The following CPNE8 variants were observed in gnomAD, a reference collection of about 807,000 sequenced individuals.
The protein encoded by CPNE8 is copine 8, also known as copine-8.
CPNE8 carries 45 observed loss-of-function variants against 81.5 expected under a neutral mutation model. That is an observed-to-expected ratio of 0.55 (90% CI 0.44 to 0.71). The LOEUF (loss-of-function observed/expected upper bound fraction) is 0.71. CPNE8 is among the 30% of genes least tolerant of loss of function. The probability of loss-of-function intolerance (pLI) is 0.00; values close to 1 mark genes in which losing one functional copy is unlikely to be tolerated. For missense variants in CPNE8, 594 were observed against 672.1 expected (o/e 0.88, Z 1.28); for synonymous variants, 252 against 226.3 (o/e 1.11, Z -1.02).
chr12:38,834,877 A>C (rs1943354920), intron 5 of CPNE8, among the ~76,000 whole-genome samples: 1 of 150,912 alleles, frequency 6.6e-6, no homozygotes, highest in South Asian at 2.1e-4. Context: ...CCAACATTCC[A>C]AACTTTTTTT....
At chr12:38,692,290 AAAAAAC>A (rs1337076452) in intron 15 of CPNE8, among the ~76,000 whole-genome samples, 2 of 152,158 alleles carry the variant, frequency 1.3e-5, no homozygotes, top group South Asian at 2.1e-4. Flanking sequence ...CTCTGTCTCA[AAAAAAC>A]AAAAACAAAA....
chr12:38,730,388 T>G (rs1940803997), intron 10 of CPNE8, 30 bp from the exon 11 acceptor site: 1 of 1,243,450 alleles, frequency 8.0e-7, no homozygotes. Context: ...GTACATAATA[T>G]TGGCTTTCAT....
intron 6 of CPNE8, among the ~76,000 whole-genome samples, chr12:38,813,524 A>G (rs1278873407): frequency 6.6e-6 from 1 of 152,152 alleles, no homozygotes. Flanking sequence ...TCAATTTGAG[A>G]TTTCTTTGGG....
intron 10 of CPNE8, among the ~76,000 whole-genome samples, chr12:38,731,417 T>A (rs1940828712): frequency 6.6e-6 from 1 of 151,898 alleles, no homozygotes; most frequent in African/African-American, 2.4e-5. Flanking sequence ...AAATACCAGT[T>A]TTTAAAGACA....
At chr12:38,733,458 T>A (rs1940883707) in intron 10 of CPNE8, among the ~76,000 whole-genome samples, 1 of 152,006 alleles carries the variant, frequency 6.6e-6, no homozygotes, top group East Asian at 1.9e-4. Context: ...ATTCTCACTA[T>A]ACAGAGAAAC....
chr12:38,832,161 G>A (rs776245564), intron 5 of CPNE8, among the ~76,000 whole-genome samples: 42 of 152,160 alleles, frequency 2.8e-4, no homozygotes, highest in Admixed American at 7.9e-4. Flanking sequence ...CTAGCTGATT[G>A]GCCAGAACTC....
intron 6 of CPNE8, among the ~76,000 whole-genome samples, chr12:38,811,391 T>C (rs564398121): frequency 9.6e-4 from 146 of 152,236 alleles, no homozygotes; most frequent in African/African-American, 1.5e-3. Context: ...AAAATTGACA[T>C]AGCAATAAAA....
chr12:38,776,276 T>C lies in CPNE8; in HGVS notation c.433A>G (p.Thr145Ala). 1 of 1,546,356 alleles carries C rather than the reference T, an allele frequency of 6.5e-7. No individual in the cohort carries two copies. The highest frequency in any genetic ancestry group is 1.3e-5 in the South Asian group (1 of 77,920). Residue 145 changes from threonine to alanine, a missense_variant, in exon 7 of 20, where the codon ACA (threonine) becomes GCA (alanine). Physicochemically the swap from Thr to Ala is moderately conservative, Grantham distance 58 (BLOSUM62 0). Transcript: ENST00000331366. Reference protein sequence around the residue: ...IVGIPGKKCGTIILTAEELNC... With the variant: ...IVGIPGKKCGAIILTAEELNC... Reference sequence around the variant, plus strand: ...AATTCCTCTGCTGTAAGTATGATTGTACCACATTTCTTCCCTGGAATTCCT... The same window carrying C: ...AATTCCTCTGCTGTAAGTATGATTGCACCACATTTCTTCCCTGGAATTCCT...
intron 10 of CPNE8, among the ~76,000 whole-genome samples, chr12:38,731,737 T>A (rs1940835318): frequency 6.6e-6 from 1 of 151,948 alleles, no homozygotes; most frequent in Non-Finnish European, 1.5e-5. Context: ...TAGAACTCAC[T>A]TTCAAGTTAC....
In CPNE8 at chr12:38,791,296, T is replaced by TTTC. The variant is rs141444985; in HGVS notation, c.408-14998_408-14996dup. Among the ~76,000 whole-genome samples, 36 of 151,624 alleles carry TTTC rather than the reference T, an allele frequency of 2.4e-4. No homozygotes were observed. The East Asian group carries it at 4.8e-3, about 20-fold the overall frequency. On this transcript the variant is annotated intron_variant, in intron 6 of 19. Coordinates refer to ENST00000331366, the MANE Select transcript of CPNE8 (RefSeq NM_153634.3). Reference sequence around the variant, plus strand: ...CAATGACCTTTTCTCATCTCAGGTATTTCTTCTTCTTCTTCTTCAAAATTA... The same window carrying TTTC: ...CAATGACCTTTTCTCATCTCAGGTATTTCTTCTTCTTCTTCTTCTTCAAAATTA...
At chr12:38,863,856 C>T (rs958987899) in intron 3 of CPNE8, among the ~76,000 whole-genome samples, 1 of 151,918 alleles carries the variant, frequency 6.6e-6, no homozygotes, top group African/African-American at 2.4e-5. Flanking sequence ...TCGAGACCAT[C>T]CTGGCTAACA....
intron 4 of CPNE8, among the ~76,000 whole-genome samples, chr12:38,847,008 T>C (rs1195205112): frequency 2.0e-5 from 3 of 151,930 alleles, no homozygotes; most frequent in Non-Finnish European, 4.4e-5. Context: ...TAAAGGAAAA[T>C]ATATTTATTG....
At chr12:38,890,354 C>G (rs60605001) in intron 1 of CPNE8, among the ~76,000 whole-genome samples, 8,080 of 152,124 alleles carry the variant, frequency 0.053, 690 homozygotes, top group African/African-American at 0.18. Flanking sequence ...TATAGCCAGA[C>G]AAGTGTAGGA....
Position 38,905,480 on chromosome 12 carries a change from C to T in CPNE8, c.55G>A (p.Ala19Thr). ...AGIGDLNQLS[A>T]AIPATRVEVS... is the part of the protein sequence containing the mutation. ...TCCACCCGCGTGGCCGGGATGGCAG[C>T]GCTCAGCTGGTTCAAGTCCCCGATG... Residue 19 changes from alanine to threonine, a missense_variant, in exon 1 of 20, where the codon GCT (alanine) becomes ACT (threonine). Coordinates refer to ENST00000331366, the MANE Select transcript of CPNE8 (RefSeq NM_153634.3). 1 of 1,576,468 alleles carries T rather than the reference C, an allele frequency of 6.3e-7. No homozygotes were observed. The highest frequency in any genetic ancestry group is 8.6e-7 in the Non-Finnish European group (1 of 1,160,980).
intron 1 of CPNE8, among the ~76,000 whole-genome samples, chr12:38,891,744 G>A (rs564123938): frequency 1.3e-5 from 2 of 152,292 alleles, no homozygotes; most frequent in East Asian, 3.9e-4. Flanking sequence ...ACCACAACCA[G>A]CCAATATAAA....
rs564676651 is a variant in CPNE8, at chr12:38,735,750, C to T, written c.723-5392G>A. Among the ~76,000 whole-genome samples the T allele has an allele frequency of 9.9e-5, 15 of 151,904 alleles. No homozygotes were observed. The East Asian group carries it at 2.1e-3, about 22-fold the overall frequency. On this transcript the variant is annotated intron_variant, in intron 10 of 19. Coordinates refer to ENST00000331366, the MANE Select transcript of CPNE8 (RefSeq NM_153634.3). ...CTTTCAGTATTCCTAGATTATGAGC[C>T]AATCTCTGTCTAAATCTGCAGAACT...
chr12:38,667,720 C>A (rs568039719), intron 19 of CPNE8, among the ~76,000 whole-genome samples: 18 of 152,164 alleles, frequency 1.2e-4, no homozygotes, highest in Non-Finnish European at 2.1e-4. Context: ...TCACCTGTAT[C>A]CCCAGGTGTG....
intron 6 of CPNE8, among the ~76,000 whole-genome samples, chr12:38,794,874 T>A (rs562114052): frequency 4.6e-5 from 7 of 152,328 alleles, no homozygotes; most frequent in African/African-American, 1.7e-4. Flanking sequence ...GTCAGTGGAC[T>A]GAGAGAGGTA....
intron 5 of CPNE8, among the ~76,000 whole-genome samples, chr12:38,830,354 T>TA (rs1344577651): frequency 1.3e-5 from 2 of 152,180 alleles, no homozygotes. Context: ...TGATTTTCCA[T>TA]AAATAGCAGA....
Sources: gnomAD v4.1 joint callset for allele counts (sites outside exome capture counted in the v4.1 genomes callset) on GRCh38, gnomAD v4.1.1 for gene constraint, MANE v1.5 for transcripts, NCBI Gene and HGNC (gene_info 2026-07-23, HGNC 2026-07-21) for gene names.